LRRC15: variants seen among roughly 807,000 people sequenced by gnomAD.
The protein encoded by LRRC15 is leucine rich repeat containing 15.
A neutral mutation model predicts 4.3 loss-of-function variants in LRRC15; 5 were observed. The observed-to-expected ratio is 1.16, with a 90% CI of 0.61 to 2.44. The LOEUF is 2.44. Ranked by LOEUF, LRRC15 falls within the 30% of genes most tolerant of loss-of-function variation. LRRC15 has a pLI of 0.01. For missense variants in LRRC15, 769 were observed against 747.0 expected (o/e 1.03, Z -0.34); for synonymous variants, 337 against 323.2 (o/e 1.04, Z -0.46).
chr3:194,365,299 C>T (rs967807374), intron 1 of LRRC15, among the ~76,000 whole-genome samples: 1 of 151,990 alleles, frequency 6.6e-6, no homozygotes, highest in Non-Finnish European at 1.5e-5. Context: ...AGTGCACGAA[C>T]CAGGGCTCTC....
chr3:194,366,441 G>A (rs945362475), intron 1 of LRRC15, among the ~76,000 whole-genome samples: 1 of 152,122 alleles, frequency 6.6e-6, no homozygotes, highest in African/African-American at 2.4e-5. Context: ...GTCTCAGCGG[G>A]GCCCAGGATT....
intron 1 of LRRC15, among the ~76,000 whole-genome samples, chr3:194,362,934 A>ATTTTTTTTT (rs1162019236): frequency 1.7e-5 from 2 of 114,756 alleles, no homozygotes; most frequent in African/African-American, 3.6e-5. Context: ...ACAGACCTTG[A>ATTTTTTTTT]TTTTGTTTTT....
intron 1 of LRRC15, among the ~76,000 whole-genome samples, chr3:194,368,255 C>T (rs972615684): frequency 1.3e-5 from 2 of 152,150 alleles, no homozygotes; most frequent in African/African-American, 4.8e-5. Flanking sequence ...AGGACTGAGT[C>T]GGGACAGCTC....
Position 194,360,131 on chromosome 3 carries a change from T to G in LRRC15, c.913A>C (p.Ile305Leu). ...AAGACATTGTCGGGTAGAGAAGAGATGTGGTTGTCATAGAGCCAAAGCTCC... is the reference window on the plus strand; with the variant it reads ...AAGACATTGTCGGGTAGAGAAGAGAGGTGGTTGTCATAGAGCCAAAGCTCC... ...LRELWLYDNH[I>L]SSLPDNVFSN... The change falls in exon 2 of 2, where the codon ATC becomes CTC. Residue 305 changes from isoleucine to leucine, a missense_variant. By Grantham distance (5) the Ile-to-Leu change is conservative. Coordinates refer to ENST00000347624, the MANE Select transcript of LRRC15 (RefSeq NM_130830.5). 1.2e-6 allele frequency: 2 copies of G among 1,614,104 alleles called. No homozygotes were observed. Among genetic ancestry groups the G allele is most frequent in the Non-Finnish European group, 1.7e-6 (2 of 1,180,014 alleles).
chr3:194,362,691 A>G (rs1713665261), intron 1 of LRRC15, among the ~76,000 whole-genome samples: 1 of 152,112 alleles, frequency 6.6e-6, no homozygotes, highest in East Asian at 1.9e-4. Flanking sequence ...ATGAGCAAAA[A>G]TCCTGAGTCA....
chr3:194,367,342 C>G (rs555459658), intron 1 of LRRC15, among the ~76,000 whole-genome samples: 6 of 152,224 alleles, frequency 3.9e-5, no homozygotes, highest in Non-Finnish European at 5.9e-5. Context: ...GAGTCTTGCT[C>G]TGTCACCCAG....
In LRRC15 at chr3:194,359,037, A is replaced by C; in HGVS notation, c.*261T>G. On this transcript the variant is annotated 3_prime_UTR_variant, in exon 2 of 2. Coordinates refer to ENST00000347624, the MANE Select transcript of LRRC15 (RefSeq NM_130830.5). ...TTTGGAGGAAGAGCCCTCTCGAAGG[A>C]AGCCCAGGGGTATGAATCGGAAATC... The C allele has an allele frequency of 2.9e-6, 1 of 345,938 alleles. No individual in the cohort carries two copies. The highest frequency in any genetic ancestry group is 5.2e-6 in the Non-Finnish European group (1 of 190,990). The allele number at this position is 345,938 out of a possible 1,614,324, so 21.4% of individuals were successfully genotyped here.
intron 1 of LRRC15, among the ~76,000 whole-genome samples, chr3:194,368,588 G>C (rs6762627): frequency 0.16 from 24,612 of 152,036 alleles, 2,751 homozygotes; most frequent in African/African-American, 0.31. Context: ...GCCAGTGGCA[G>C]CAACACATCT....
Position 194,360,618 on chromosome 3 carries a change from C to G in LRRC15, c.426G>C (p.Pro142=), listed in dbSNP as rs143153891. The G allele has an allele frequency of 4.3e-6, 7 of 1,613,966 alleles. No homozygotes were observed. In the South Asian group the frequency reaches 7.7e-5, roughly 18 times the overall value. ...LSSNQLLQIQ[P]AHFSQCSNLK... ...GGTTGCTGCACTGGGAGAAGTGGGC[C>G]GGCTGGATCTGCAACAGCTGGTTAC... The change falls in exon 2 of 2, where the codon CCG becomes CCC. Residue 142 remains proline (P), a synonymous_variant. Transcript: ENST00000347624.
chr3:194,368,155 C>G (rs6789051), intron 1 of LRRC15, among the ~76,000 whole-genome samples: 122,890 of 152,254 alleles, frequency 0.81, 50,114 homozygotes, highest in East Asian at 0.94. Context: ...AAAGCCAAGA[C>G]AGGCCATAAA....
At chr3:194,368,470 C>T (rs560856788) in intron 1 of LRRC15, among the ~76,000 whole-genome samples, 2 of 152,180 alleles carry the variant, frequency 1.3e-5, no homozygotes, top group Non-Finnish European at 2.9e-5. Flanking sequence ...GCCCAGCTGA[C>T]TCAAGACCAC....
chr3:194,362,939 G>GTT (rs140437995), intron 1 of LRRC15, among the ~76,000 whole-genome samples: 90 of 78,362 alleles, frequency 1.1e-3, no homozygotes, highest in South Asian at 2.2e-3. Flanking sequence ...CCTTGATTTT[G>GTT]TTTTTTTTTT....
rs1177631118 is a variant in LRRC15, at chr3:194,355,672, G to A, written c.*3626C>T. 2 of 152,212 alleles carry A rather than the reference G, an allele frequency of 1.3e-5. No individual in the cohort carries two copies. The highest frequency in any genetic ancestry group is 2.4e-5 in the African/African-American group (1 of 41,448). The allele number at this position is 152,212 out of a possible 1,614,324, so 9.4% of individuals were successfully genotyped here. On this transcript the variant is annotated 3_prime_UTR_variant, in exon 2 of 2. Transcript: ENST00000347624. ...ATCTTTGAGTGGTTTATAGCTAAAAGCTAGGATACATCTAACATCTGTCGA... is the reference window on the plus strand; with the variant it reads ...ATCTTTGAGTGGTTTATAGCTAAAAACTAGGATACATCTAACATCTGTCGA...
In LRRC15 at chr3:194,356,143, T is replaced by C. The variant is rs1713419053; in HGVS notation, c.*3155A>G. 1 of 152,204 alleles carries C rather than the reference T, an allele frequency of 6.6e-6. No homozygotes were observed. 9.4% of individuals were successfully genotyped at this position (152,204 alleles called of 1,614,324 possible). On this transcript the variant is annotated 3_prime_UTR_variant, in exon 2 of 2. Coordinates refer to ENST00000347624, the MANE Select transcript of LRRC15 (RefSeq NM_130830.5). ...AACACCATGCAGAAGAGCAAGTGCC[T>C]CTGTACCCCATCACAAGTGGGTAGA... is the stretch of plus-strand genomic sequence containing the variant.
At chr3:194,364,167 G>A (rs1048570292) in intron 1 of LRRC15, among the ~76,000 whole-genome samples, 17 of 152,150 alleles carry the variant, frequency 1.1e-4, no homozygotes, top group African/African-American at 4.1e-4. Flanking sequence ...GAAGACAACT[G>A]GTGTCCTGTC....
At chr3:194,366,809 A>G (rs1471872255) in intron 1 of LRRC15, among the ~76,000 whole-genome samples, 4 of 133,538 alleles carry the variant, frequency 3.0e-5, no homozygotes, top group South Asian at 2.7e-4. Context: ...CTCATTTTGT[A>G]GTTGGGAAAG....
At chr3:194,367,064 C>T (rs1396475311) in intron 1 of LRRC15, among the ~76,000 whole-genome samples, 3 of 152,216 alleles carry the variant, frequency 2.0e-5, no homozygotes, top group Non-Finnish European at 2.9e-5. Context: ...CAGCATGATT[C>T]GCCAAGGGCA....
rs567104854 is a variant in LRRC15, at chr3:194,359,367, G to A, written c.1677C>T (p.Val559=). The change falls in exon 2 of 2, where the codon GTC becomes GTT. Residue 559 remains valine (V), a synonymous_variant. Transcript: ENST00000347624. The stretch of plus-strand genomic sequence containing the variant: ...TCCTCTTCTTGCAGCAGCAACAGCC[G>A]ACGCAGGCAGCCAGGGAGCAGGCCA... ...VALACSLAAC[V]GCCCCKKRSQ... 7.4e-5 allele frequency: 119 copies of A among 1,613,998 alleles called. No homozygotes were observed. In the East Asian group the frequency reaches 1.1e-3, roughly 15 times the overall value.
In LRRC15 at chr3:194,360,239, G is replaced by A. The variant is rs758976763; in HGVS notation, c.805C>T (p.Pro269Ser). 21 of 1,613,710 alleles carry A rather than the reference G, an allele frequency of 1.3e-5. No homozygotes were observed. In the Admixed American group the frequency reaches 1.5e-4, roughly 12 times the overall value. The part of the protein sequence containing the change: ...QLPPSVFMQL[P>S]QLNRLTLFGN... ...AAGAGAGTAAGACGGTTGAGCTGGG[G>A]CAGCTGCATGAAGACGCTGGGTGGC... is the stretch of plus-strand genomic sequence containing the variant. The change falls in exon 2 of 2, where the codon CCC becomes TCC. Residue 269 changes from proline (P) to serine (S), a missense_variant. By Grantham distance (74) the Pro-to-Ser change is moderately conservative. Transcript: ENST00000347624.
Sources: allele counts gnomAD v4.1 joint callset (sites outside exome capture counted in the v4.1 genomes callset), GRCh38; gene constraint gnomAD v4.1.1; transcripts MANE v1.5; gene names NCBI Gene and HGNC (gene_info 2026-07-23, HGNC 2026-07-21).